The following AP3D1 variants were observed in gnomAD, a reference collection of about 807,000 sequenced individuals.
AP3D1 encodes AP-3 complex subunit delta-1.
AP3D1 carries 51 observed loss-of-function variants against 147.6 expected under a neutral mutation model. The ratio of observed to expected loss-of-function variants is 0.35; its 90% CI spans 0.28 to 0.44. The LOEUF (loss-of-function observed/expected upper bound fraction) is 0.44, where lower values mean the gene tolerates loss of function less well. Among genes scored for constraint, AP3D1 ranks in the 20% least tolerant of loss-of-function variants. The pLI is 1.00. For missense variants in AP3D1, 1,421 were observed against 1,624.2 expected, an observed-to-expected ratio of 0.87 and a Z score of 2.15; for synonymous variants, 760 against 663.0, an observed-to-expected ratio of 1.15 and a Z score of -2.25.
intron 10 of AP3D1, among the ~76,000 whole-genome samples, chr19:2,123,621 C>T (rs543412822): frequency 2.0e-5 from 3 of 152,276 alleles, no homozygotes; most frequent in East Asian, 3.9e-4. Flanking sequence ...CTCCTCAGTG[C>T]CCCATGCATC....
At position 2,115,919 on chromosome 19, in the gene AP3D1, C is replaced by T. The variant is rs11666848; in HGVS notation, c.2073+288G>A. 0.18 allele frequency among the ~76,000 whole-genome samples: 28,027 copies of T among 152,248 alleles called. 2,709 individuals are homozygous for T. The highest frequency in any genetic ancestry group is 0.21 in the East Asian group (1,114 of 5,182). ...TTCTCCTCAAATGAGAAAAGTAATG[C>T]GGCCTCAAGCCCAGAGTGAGGCAGC... On this transcript the variant is annotated intron_variant, in intron 18 of 31. Coordinates refer to ENST00000643116, the MANE Select transcript of AP3D1 (RefSeq NM_001261826.3).
chr19:2,108,835 G>C, intron 30 of AP3D1, 69 bp from the exon 31 acceptor site: 1 of 1,506,824 alleles, frequency 6.6e-7, no homozygotes, highest in Non-Finnish European at 9.0e-7. Context: ...CCAGAGCAGG[G>C]GCCACCTTCT....
rs2018477288 is a variant in AP3D1 at position 2,117,090 on chromosome 19, C to T, written c.1859+132G>A. The T allele has an allele frequency of 1.0e-5, 12 of 1,204,048 alleles. 1 individual carries two copies. The South Asian group carries it at 1.8e-4, about 18-fold the overall frequency. 74.6% of individuals were successfully genotyped at this position (1,204,048 alleles called of 1,614,324 possible). ...CTGGTGAGTCCGTGTGAGGGATATA[C>T]CCGCCTGAGGCCTCCAATCAGCCCC... On this transcript the variant is annotated intron_variant, in intron 16 of 31. Transcript: ENST00000643116.
Position 2,129,477 on chromosome 19 carries a change from C to A in AP3D1, c.593-20G>T, listed in dbSNP as rs763449997. 6.2e-7 allele frequency: 1 copy of A among 1,609,134 alleles called. No individual in the cohort carries two copies. On this transcript the variant is annotated intron_variant, in intron 6 of 31. Coordinates refer to ENST00000643116, the MANE Select transcript of AP3D1 (RefSeq NM_001261826.3). The stretch of plus-strand genomic sequence containing the variant: ...GAACCCCTGGGGAACAAGGGGTTCT[C>A]ATCAGCATGCCTGTCCTTCCACCTA...
intron 1 of AP3D1, chr19:2,164,172 C>T (rs765582968): frequency 8.6e-7 from 1 of 1,158,864 alleles, no homozygotes; most frequent in Non-Finnish European, 1.1e-6. Flanking sequence ...GTGCGGCGGC[C>T]GCGCGCGCGG....
At chr19:2,147,862 C>T (rs561031554) in intron 1 of AP3D1, among the ~76,000 whole-genome samples, 1 of 137,316 alleles carries the variant, frequency 7.3e-6, no homozygotes, top group Non-Finnish European at 1.5e-5. Context: ...TCCAGCCTGG[C>T]GACAGAGCGA....
Position 2,121,048 on chromosome 19 carries a change from C to T in AP3D1, c.1295G>A (p.Arg432Gln), listed in dbSNP as rs780039168. 4 of 1,613,150 alleles carry T rather than the reference C, an allele frequency of 2.5e-6. No homozygotes were observed. Among genetic ancestry groups the T allele is most frequent in the East Asian group, 2.2e-5 (1 of 44,876 alleles). The change falls in exon 14 of 32, where the codon CGG becomes CAG. Residue 432 changes from arginine (R) to glutamine (Q), a missense_variant. Physicochemically the swap from Arg to Gln is conservative, Grantham distance 43. Coordinates refer to ENST00000643116, the MANE Select transcript of AP3D1 (RefSeq NM_001261826.3). The part of the protein sequence containing the change: ...LVELTRLEGT[R>Q]HGHLIAAQML... ...TTGGGCGGCGATGAGGTGGCCGTGC[C>T]GTGTGCCCTCCAGCCGGGTCAGCTC... is the stretch of plus-strand genomic sequence containing the variant.
chr19:2,159,395 T>G (rs1316848651), intron 1 of AP3D1, among the ~76,000 whole-genome samples: 2 of 143,562 alleles, frequency 1.4e-5, no homozygotes, highest in African/African-American at 2.6e-5. Context: ...ATTTTTTTTG[T>G]TTTTTTTTTT....
Position 2,117,230 on chromosome 19 carries a change from G to C in AP3D1, c.1851C>G (p.Val617=), listed in dbSNP as rs1175523408. The C allele has an allele frequency of 9.3e-6, 15 of 1,608,884 alleles. No homozygotes were observed. The highest frequency in any genetic ancestry group is 1.3e-5 in the African/African-American group (1 of 74,716). Residue 617 remains valine (V), a synonymous_variant, in exon 16 of 32, where the codon GTC becomes GTG. Transcript: ENST00000643116. The part of the protein sequence containing the change: ...VAPKAQKKVP[V]PEGLDLDAWI... ...CACCCCCGTATCCTTACCCTTCGGG[G>C]ACTGGAACCTTCTTCTGGGCCTTGG...
intron 1 of AP3D1, among the ~76,000 whole-genome samples, chr19:2,144,464 G>A (rs944519995): frequency 6.6e-6 from 1 of 152,156 alleles, no homozygotes; most frequent in African/African-American, 2.4e-5. Flanking sequence ...ACACGCAACA[G>A]GGCAGAAACC....
chr19:2,113,223 C>T lies in AP3D1; in HGVS notation c.2679+113G>A, dbSNP rs1416759821. On this transcript the variant is annotated intron_variant, in intron 23 of 31. Transcript: ENST00000643116. ...CTCAGTGCTGGGTCCCACAGGTGCA[C>T]GGTGCTGACCGCGAGAGCACAGGGC... 27 of 665,278 alleles carry T rather than the reference C, an allele frequency of 4.1e-5. No homozygotes were observed. The East Asian group carries it at 5.1e-4, about 13-fold the overall frequency. 41.2% of individuals were successfully genotyped at this position (665,278 alleles called of 1,614,324 possible). A position where few individuals can be genotyped will look rare whatever the true frequency, so the allele number is the denominator to read the frequency against.
intron 1 of AP3D1, among the ~76,000 whole-genome samples, chr19:2,141,969 T>C (rs1010953352): frequency 1.3e-5 from 2 of 149,834 alleles, no homozygotes; most frequent in African/African-American, 2.4e-5. Flanking sequence ...TATTTATGTA[T>C]ATACTTGTTT....
At chr19:2,136,516 T>G (rs2108825) in intron 4 of AP3D1, among the ~76,000 whole-genome samples, 2 of 151,914 alleles carry the variant, frequency 1.3e-5, no homozygotes, top group Non-Finnish European at 2.9e-5. Context: ...TCGGGGCCAA[T>G]AAGGACCTTT....
chr19:2,145,472 G>A (rs965220935), intron 1 of AP3D1, among the ~76,000 whole-genome samples: 2 of 152,168 alleles, frequency 1.3e-5, no homozygotes, highest in South Asian at 2.1e-4. Context: ...TGGTTGCCAC[G>A]ACTTGCAGAT....
At chr19:2,152,879 AAAAAC>A (rs1211916253), upstream of AP3D1, among the ~76,000 whole-genome samples, 2 of 151,976 alleles carry the variant, frequency 1.3e-5, no homozygotes, top group African/African-American at 4.8e-5. Flanking sequence ...CTTGTCTCAA[AAAAAC>A]AAAACAAACC....
chr19:2,129,228 G>A (rs377685544), intron 7 of AP3D1, 65 bp from the exon 8 acceptor site: 33 of 1,609,958 alleles, frequency 2.0e-5, no homozygotes, highest in Non-Finnish European at 2.6e-5. Flanking sequence ...GGGACAGGGG[G>A]GGCCTCGGTC....
rs779352979 is a variant in AP3D1 at position 2,117,384 on chromosome 19, G to T, written c.1714-17C>A. 5 of 1,574,862 alleles carry T rather than the reference G, an allele frequency of 3.2e-6. No individual in the cohort carries two copies. Among genetic ancestry groups the T allele is most frequent in the Non-Finnish European group, 3.4e-6 (4 of 1,162,138 alleles). The stretch of plus-strand genomic sequence containing the variant: ...GCAGGACGCCTGTGGGGGACACAGG[G>T]GTCACTGCTGGCACCTGCCCGGAAG... On this transcript the variant is annotated splice_polypyrimidine_tract_variant and intron_variant, in intron 15 of 31. Coordinates refer to ENST00000643116, the MANE Select transcript of AP3D1 (RefSeq NM_001261826.3).
At chr19:2,164,020 C>G in intron 1 of AP3D1, 1 of 276,224 alleles carries the variant, frequency 3.6e-6, no homozygotes, top group Non-Finnish European at 5.9e-6. Context: ...GGGGCCGGGC[C>G]GGACCGGAGC....
chr19:2,107,161 G>T (rs189115246), intron 31 of AP3D1, among the ~76,000 whole-genome samples: 3 of 151,890 alleles, frequency 2.0e-5, no homozygotes, highest in African/African-American at 7.2e-5. Flanking sequence ...TACTGCGGAG[G>T]CTGAGGCAGA....
Sources: allele counts gnomAD v4.1 joint callset (sites outside exome capture counted in the v4.1 genomes callset), GRCh38; gene constraint gnomAD v4.1.1; transcripts MANE v1.5; gene names NCBI Gene and HGNC (gene_info 2026-07-23, HGNC 2026-07-21).